ZNF385D: variants seen among roughly 807,000 people sequenced by gnomAD.
ZNF385D encodes zinc finger protein 385D, also known as zinc finger protein 659.
ZNF385D carries 15 observed loss-of-function variants against 35.8 expected under a neutral mutation model. The ratio of observed to expected loss-of-function variants is 0.42; its 90% CI spans 0.28 to 0.64. The LOEUF is 0.64. Ranked by LOEUF, ZNF385D falls within the 30% of genes least tolerant of loss-of-function variation. ZNF385D has a pLI of 0.23. For synonymous variants in ZNF385D, 212 were observed against 186.8 expected, an observed-to-expected ratio of 1.13 and a Z score of -1.10; for missense variants, 474 against 494.6, an observed-to-expected ratio of 0.96 and a Z score of 0.39.
intron 3 of ZNF385D, among the ~76,000 whole-genome samples, chr3:21,756,313 A>G (rs1311973882): frequency 1.3e-5 from 2 of 152,170 alleles, no homozygotes; most frequent in Non-Finnish European, 2.9e-5. Flanking sequence ...TTTTTAAAGT[A>G]GTGGAGTATT....
At position 22,352,654 on chromosome 3, in the gene ZNF385D, T is replaced by C. The variant is rs79190311; in HGVS notation, c.106+19796A>G. Among the ~76,000 whole-genome samples the C allele has an allele frequency of 2.5e-3, 377 of 152,298 alleles. 1 individual carries two copies. The highest frequency in any genetic ancestry group is 3.4e-3 in the Middle Eastern group (1 of 294). On this transcript the variant is annotated intron_variant, in intron 2 of 5. Coordinates refer to the ZNF385D transcript ENST00000494108. ...AACTTCCTATCACTAAAGGTTTATG[T>C]ACAAACATCCTGAGGTTTTCACCAA... is the stretch of plus-strand genomic sequence containing the variant.
chr3:21,535,177 T>C (rs1397342754), intron 3 of ZNF385D, among the ~76,000 whole-genome samples: 1 of 152,156 alleles, frequency 6.6e-6, no homozygotes, highest in African/African-American at 2.4e-5. Flanking sequence ...TGTCAGTACC[T>C]ATCACTGATC....
chr3:21,931,181 C>T (rs2125246747), intron 3 of ZNF385D, among the ~76,000 whole-genome samples: 1 of 152,144 alleles, frequency 6.6e-6, no homozygotes, highest in Middle Eastern at 3.4e-3. Flanking sequence ...AATTAATAAG[C>T]ACCTGAAGAA....
At chr3:22,312,910 C>T (rs558917629) in intron 2 of ZNF385D, among the ~76,000 whole-genome samples, 150 of 126,338 alleles carry the variant, frequency 1.2e-3, no homozygotes, top group Middle Eastern at 7.4e-3. Flanking sequence ...GGGTATATAC[C>T]CAAAGGACTA....
intron 2 of ZNF385D, among the ~76,000 whole-genome samples, chr3:22,218,379 G>A (rs1208833962): frequency 6.6e-6 from 1 of 151,546 alleles, no homozygotes; most frequent in Non-Finnish European, 1.5e-5. Flanking sequence ...ATTGACTTTT[G>A]AAAACTAACT....
chr3:22,188,757 T>A, intron 2 of ZNF385D, among the ~76,000 whole-genome samples: 1 of 152,218 alleles, frequency 6.6e-6, no homozygotes, highest in East Asian at 1.9e-4. Flanking sequence ...GCCGTGTGCA[T>A]ACTTTTTAAA....
At chr3:21,908,339 T>C (rs1027669019) in intron 3 of ZNF385D, among the ~76,000 whole-genome samples, 1 of 152,078 alleles carries the variant, frequency 6.6e-6, no homozygotes, top group Non-Finnish European at 1.5e-5. Flanking sequence ...TGAATGATAT[T>C]ACATGAGGAA....
chr3:22,280,457 A>T (rs1028168488), intron 2 of ZNF385D, among the ~76,000 whole-genome samples: 2 of 151,798 alleles, frequency 1.3e-5, no homozygotes, highest in East Asian at 3.9e-4. Context: ...AAGGTAAGAG[A>T]AGAGGATCCA....
chr3:22,034,611 C>G (rs1307006511), intron 3 of ZNF385D, among the ~76,000 whole-genome samples: 1 of 151,948 alleles, frequency 6.6e-6, no homozygotes, highest in Non-Finnish European at 1.5e-5. Flanking sequence ...CATTGTACAA[C>G]AAAAGAAATA....
At chr3:21,538,870 A>G (rs186822934) in intron 3 of ZNF385D, among the ~76,000 whole-genome samples, 1 of 152,208 alleles carries the variant, frequency 6.6e-6, no homozygotes, top group Admixed American at 6.5e-5. Flanking sequence ...AGCCAATCTG[A>G]GTGTTTTATA....
intron 2 of ZNF385D, among the ~76,000 whole-genome samples, chr3:22,233,836 A>G (rs984429998): frequency 3.9e-5 from 6 of 152,094 alleles, no homozygotes; most frequent in Admixed American, 2.0e-4. Flanking sequence ...ATATTCTGGT[A>G]TTAAGAAACA....
intron 2 of ZNF385D, among the ~76,000 whole-genome samples, chr3:22,172,876 C>T (rs1694558927): frequency 6.6e-6 from 1 of 152,198 alleles, no homozygotes; most frequent in African/African-American, 2.4e-5. Flanking sequence ...GCACAACACT[C>T]TTCTTCCTCT....
chr3:21,947,443 T>C (rs1047262312), intron 3 of ZNF385D, among the ~76,000 whole-genome samples: 2 of 152,072 alleles, frequency 1.3e-5, no homozygotes, highest in South Asian at 2.1e-4. Flanking sequence ...CTCCGCCTCC[T>C]GGGTTCAAGC....
At chr3:21,832,077 A>G (rs1019495732) in intron 3 of ZNF385D, among the ~76,000 whole-genome samples, 1 of 35,542 alleles carries the variant, frequency 2.8e-5, no homozygotes, top group African/African-American at 2.3e-4. Flanking sequence ...CAATGTTGTT[A>G]AAATAATTTG....
chr3:21,631,750 T>A (rs955016067), intron 2 of ZNF385D, among the ~76,000 whole-genome samples: 25 of 152,092 alleles, frequency 1.6e-4, no homozygotes, highest in African/African-American at 6.0e-4. Flanking sequence ...GGATTTGAGA[T>A]AGAGGAAACT....
At chr3:22,098,783 A>G (rs546275321) in intron 3 of ZNF385D, among the ~76,000 whole-genome samples, 3 of 152,088 alleles carry the variant, frequency 2.0e-5, no homozygotes, top group Non-Finnish European at 4.4e-5. Flanking sequence ...TTTTTAAAGT[A>G]GCAAATAAAT....
chr3:22,241,095 G>A (rs1699468592), intron 2 of ZNF385D, among the ~76,000 whole-genome samples: 1 of 151,184 alleles, frequency 6.6e-6, no homozygotes, highest in Non-Finnish European at 1.5e-5. Flanking sequence ...CAGATATTCA[G>A]TATGTTTGAT....
intron 2 of ZNF385D, among the ~76,000 whole-genome samples, chr3:22,273,169 T>C (rs1007004915): frequency 3.9e-5 from 6 of 151,966 alleles, no homozygotes; most frequent in South Asian, 2.1e-4. Flanking sequence ...AGAATCTGCA[T>C]AAACAGGATA....
chr3:22,018,874 G>C (rs1376896260), intron 3 of ZNF385D, among the ~76,000 whole-genome samples: 1 of 151,774 alleles, frequency 6.6e-6, no homozygotes, highest in African/African-American at 2.4e-5. Context: ...TTTGAGTTTA[G>C]ATTCCCAATG....
Sources: gnomAD v4.1 joint callset for allele counts (sites outside exome capture counted in the v4.1 genomes callset) on GRCh38, gnomAD v4.1.1 for gene constraint, MANE v1.5 for transcripts, NCBI Gene and HGNC (gene_info 2026-07-23, HGNC 2026-07-21) for gene names.